The following TULP4 variants were observed in gnomAD, a reference collection of about 807,000 sequenced individuals.
TULP4 encodes tubby-related protein 4.
A neutral mutation model predicts 129.0 loss-of-function variants in TULP4; 16 were observed. The ratio of observed to expected loss-of-function variants is 0.12; its 90% confidence interval spans 0.08 to 0.19. TULP4 has a LOEUF of 0.19. TULP4 is among the 10% of genes least tolerant of loss of function. The probability of loss-of-function intolerance (pLI) is 1.00; values close to 1 mark genes in which losing one functional copy is unlikely to be tolerated. For synonymous variants in TULP4, 998 were observed against 854.0 expected (o/e 1.17, Z -2.94); for missense variants, 1,842 against 2,059.1 (o/e 0.89, Z 2.04).
chr6:158,349,207 G>A (rs1780415421), intron 1 of TULP4, among the ~76,000 whole-genome samples: 1 of 147,010 alleles, frequency 6.8e-6, no homozygotes, highest in Non-Finnish European at 1.5e-5. Flanking sequence ...TCACCTCTCA[G>A]ACGGGGTGGC....
At chr6:158,422,069 T>G (rs559971641) in intron 2 of TULP4, among the ~76,000 whole-genome samples, 1 of 152,280 alleles carries the variant, frequency 6.6e-6, no homozygotes, top group Non-Finnish European at 1.5e-5. Context: ...TCTTAAAATA[T>G]TATTAATTGA....
At chr6:158,449,500 A>G (rs1488118816) in intron 4 of TULP4, among the ~76,000 whole-genome samples, 2 of 152,330 alleles carry the variant, frequency 1.3e-5, no homozygotes, top group Middle Eastern at 3.4e-3. Context: ...CTTAGTGACA[A>G]TAAAGAAAGC....
At chr6:158,440,587 G>T (rs1755461343) in intron 3 of TULP4, among the ~76,000 whole-genome samples, 1 of 152,118 alleles carries the variant, frequency 6.6e-6, no homozygotes, top group African/African-American at 2.4e-5. Context: ...CACAAGGGAG[G>T]CCCATCTTTA....
rs541068562 is a variant in TULP4 at position 158,400,746 on chromosome 6, A to C, written c.253-12319A>C. Among the ~76,000 whole-genome samples, 3 of 152,276 alleles carry C rather than the reference A, an allele frequency of 2.0e-5. No individual in the cohort carries two copies. In the East Asian group the frequency reaches 5.8e-4, roughly 29 times the overall value. Reference sequence around the variant, plus strand: ...CTGCAGTTAGTTGAGCTAGATTCACAACTCAGACGCACACCTACCTGGGTG... The same window carrying C: ...CTGCAGTTAGTTGAGCTAGATTCACCACTCAGACGCACACCTACCTGGGTG... On this transcript the variant is annotated intron_variant, in intron 1 of 13. Transcript: ENST00000367097.
chr6:158,406,822 C>CA (rs1387589664), intron 1 of TULP4, among the ~76,000 whole-genome samples: 3 of 152,182 alleles, frequency 2.0e-5, no homozygotes, highest in East Asian at 3.9e-4. Flanking sequence ...TATTTTCTGA[C>CA]AAAAAAGTTT....
intron 6 of TULP4, among the ~76,000 whole-genome samples, chr6:158,470,472 A>C (rs1010512830): frequency 6.6e-6 from 1 of 152,196 alleles, no homozygotes; most frequent in Non-Finnish European, 1.5e-5. Context: ...ATGATTGGCT[A>C]TTTCTTTACC....
At chr6:158,279,746 T>TAC (rs1251939228), upstream of TULP4, among the ~76,000 whole-genome samples, 1 of 152,228 alleles carries the variant, frequency 6.6e-6, no homozygotes, top group African/African-American at 2.4e-5. Flanking sequence ...TAGAATGGTG[T>TAC]AGGTCCTCTT....
At chr6:158,432,568 A>G (rs1318066374) in intron 3 of TULP4, among the ~76,000 whole-genome samples, 1 of 152,232 alleles carries the variant, frequency 6.6e-6, no homozygotes, top group African/African-American at 2.4e-5. Context: ...TTTAAAAAAT[A>G]TAAGCAGTGC....
chr6:158,317,185 G>GA (rs1321574228), intron 1 of TULP4, among the ~76,000 whole-genome samples: 1 of 38,064 alleles, frequency 2.6e-5, no homozygotes, highest in African/African-American at 5.7e-5. Flanking sequence ...TTACTTTTTT[G>GA]GTTTTTTTTG....
chr6:158,422,243 GAGA>G (rs1403570086), intron 2 of TULP4, among the ~76,000 whole-genome samples: 2 of 152,108 alleles, frequency 1.3e-5, no homozygotes, highest in East Asian at 1.9e-4. Flanking sequence ...AACTGATCAA[GAGA>G]AGAACACAGA....
intron 1 of TULP4, among the ~76,000 whole-genome samples, chr6:158,294,374 TAAAA>T (rs1026333697): frequency 7.1e-6 from 1 of 140,322 alleles, no homozygotes; most frequent in Non-Finnish European, 1.6e-5. Context: ...AAAAAAAAAA[TAAAA>T]AAAAAAATAA....
chr6:158,307,814 T>C (rs138459224), upstream of TULP4, among the ~76,000 whole-genome samples: 578 of 152,196 alleles, frequency 3.8e-3, 4 homozygotes, highest in African/African-American at 0.013. Flanking sequence ...TTGGAAAATA[T>C]TGGTTTACCA....
chr6:158,380,948 T>A (rs1008288080), intron 1 of TULP4, among the ~76,000 whole-genome samples: 6 of 149,486 alleles, frequency 4.0e-5, no homozygotes, highest in African/African-American at 9.8e-5. Context: ...AACAGCCATC[T>A]TTGCCTGAGG....
chr6:158,395,593 A>AT (rs1332775784), intron 1 of TULP4, among the ~76,000 whole-genome samples: 2 of 144,898 alleles, frequency 1.4e-5, no homozygotes, highest in East Asian at 4.0e-4. Flanking sequence ...AAAAAAAAAA[A>AT]AAAGGAAGAC....
At chr6:158,329,445 A>G (rs1779824564) in intron 1 of TULP4, among the ~76,000 whole-genome samples, 2 of 144,894 alleles carry the variant, frequency 1.4e-5, no homozygotes, top group South Asian at 2.3e-4. Flanking sequence ...GGAAGAGTTC[A>G]TTAATCAGAA....
chr6:158,330,912 TTTTG>T (rs957010677), intron 1 of TULP4, among the ~76,000 whole-genome samples: 7 of 152,188 alleles, frequency 4.6e-5, no homozygotes, highest in African/African-American at 1.7e-4. Context: ...CCCTTTTTTC[TTTTG>T]TTTTTGTTAT....
At chr6:158,335,942 AG>A (rs1780022283) in intron 1 of TULP4, among the ~76,000 whole-genome samples, 1 of 152,210 alleles carries the variant, frequency 6.6e-6, no homozygotes, top group Non-Finnish European at 1.5e-5. Flanking sequence ...GTGTATCTTC[AG>A]GGTAAATTCT....
intron 1 of TULP4, chr6:158,237,546 G>C (rs1583662372): frequency 5.8e-6 from 9 of 1,555,678 alleles, no homozygotes; most frequent in Non-Finnish European, 4.4e-6. Context: ...TTGCTCCCTG[G>C]GTCCCTTTTC....
intron 1 of TULP4, among the ~76,000 whole-genome samples, chr6:158,240,927 G>A (rs1417998943): frequency 3.4e-5 from 5 of 147,968 alleles, no homozygotes; most frequent in East Asian, 4.3e-4. Flanking sequence ...GCTGCCGGGC[G>A]GAGAGGCTCC....
Sources: gnomAD v4.1 joint callset for allele counts (sites outside exome capture counted in the v4.1 genomes callset) on GRCh38, gnomAD v4.1.1 for gene constraint, MANE v1.5 for transcripts, NCBI Gene and HGNC (gene_info 2026-07-23, HGNC 2026-07-21) for gene names.